Variants in IFT140 observed in about 807,000 individuals in gnomAD.
The protein encoded by IFT140 is intraflagellar transport protein 140 homolog.
A neutral mutation model predicts 164.6 loss-of-function variants in IFT140; 133 were observed. The ratio of observed to expected loss-of-function variants is 0.81; its 90% CI spans 0.70 to 0.93. The LOEUF (loss-of-function observed/expected upper bound fraction) is 0.93, where lower values mean the gene tolerates loss of function less well. Among genes scored for constraint, IFT140 ranks in the 40% least tolerant of loss-of-function variants. The pLI is 0.00. For missense variants in IFT140, 2,045 were observed against 1,972.3 expected, an observed-to-expected ratio of 1.04 and a Z score of -0.70; for synonymous variants, 860 against 817.3, an observed-to-expected ratio of 1.05 and a Z score of -0.89.
chr16:1,557,896 C>T (rs777416653), intron 19 of IFT140, 39 bp downstream of exon 19: 8 of 1,587,640 alleles, frequency 5.0e-6, no homozygotes, highest in Admixed American at 3.3e-5. Context: ...GCCGTGAGCA[C>T]GCGCTATCTC....
intron 19 of IFT140, chr16:1,555,257 C>A: frequency 1.8e-6 from 1 of 552,148 alleles, no homozygotes; most frequent in Non-Finnish European, 3.2e-6. Context: ...CTGGTTAGCG[C>A]AACGCGGCTC....
chr16:1,516,201 T>C (rs2040339795), intron 30 of IFT140, among the ~76,000 whole-genome samples: 1 of 123,666 alleles, frequency 8.1e-6, no homozygotes, highest in African/African-American at 2.8e-5. Context: ...ATGGTAAATA[T>C]GTAGGTAAAT....
intron 19 of IFT140, chr16:1,555,097 C>A: frequency 6.5e-7 from 1 of 1,529,394 alleles, no homozygotes; most frequent in Admixed American, 1.9e-5. Context: ...AGGGACTCCA[C>A]CACCAAGTCA....
chr16:1,541,802 A>G, intron 19 of IFT140: 2 of 1,271,320 alleles, frequency 1.6e-6, no homozygotes, highest in Non-Finnish European at 2.1e-6. Flanking sequence ...CAATGGAGGC[A>G]CAGCCTGTGC....
Position 1,607,219 on chromosome 16 carries a change from C to T in IFT140, c.48G>A (p.Gly16=). 1 of 1,614,146 alleles carries T rather than the reference C, an allele frequency of 6.2e-7. No individual in the cohort carries two copies. Among genetic ancestry groups the T allele is most frequent in the Non-Finnish European group, 8.5e-7 (1 of 1,180,026 alleles). Reference sequence around the variant, plus strand: ...GGTGCCAGCTGATAAATGAGGGTGACCCTGCTGCATCCGGGGCTTCTATCT... The same window carrying T: ...GGTGCCAGCTGATAAATGAGGGTGATCCTGCTGCATCCGGGGCTTCTATCT... The part of the protein sequence containing the change: ...DHQIEAPDAA[G]SPSFISWHPV... Residue 16 remains glycine (G), a synonymous_variant, in exon 3 of 31, where the codon GGG becomes GGA. Coordinates refer to ENST00000426508, the MANE Select transcript of IFT140 (RefSeq NM_014714.4).
At chr16:1,557,684 C>A in intron 19 of IFT140, 1 of 515,158 alleles carries the variant, frequency 1.9e-6, no homozygotes, top group Non-Finnish European at 3.5e-6. Flanking sequence ...TGTTTAGGAA[C>A]GGCAGAACTT....
intron 16 of IFT140, 95 bp downstream of exon 16, chr16:1,566,066 T>C (rs937996760): frequency 3.4e-5 from 42 of 1,253,490 alleles, no homozygotes; most frequent in African/African-American, 4.5e-5. Context: ...TGGGGCCTTT[T>C]GAAGGCGCGT....
chr16:1,540,946 G>A lies in IFT140; in HGVS notation c.2400-14150C>T, dbSNP rs1031058876. 43 of 985,326 alleles carry A rather than the reference G, an allele frequency of 4.4e-5. No individual in the cohort carries two copies. The African/African-American group carries it at 7.3e-4, about 17-fold the overall frequency. The allele number at this position is 985,326 out of a possible 1,614,324, so 61.0% of individuals were successfully genotyped here. A position where few individuals can be genotyped will look rare whatever the true frequency, so the allele number is the denominator to read the frequency against. On this transcript the variant is annotated intron_variant, in intron 19 of 30. Transcript: ENST00000426508. ...ACACACATTGTCTGCTCTGCAGCGT[G>A]CAGGGGCCTGGGAACACACTGCTTC... is the stretch of plus-strand genomic sequence containing the variant.
At position 1,520,786 on chromosome 16, in the gene IFT140, C is replaced by A. The variant is rs1448844513; in HGVS notation, c.3476G>T (p.Cys1159Phe). 2 of 1,605,338 alleles carry A rather than the reference C, an allele frequency of 1.2e-6. No individual in the cohort carries two copies. Residue 1159 changes from cysteine (C) to phenylalanine (F), a missense_variant, in exon 27 of 31, where the codon TGC becomes TTC. Cys to Phe is a radical substitution (Grantham distance 205). Transcript: ENST00000426508. ...ARKYQEALQL[C>F]LGQNMSITEE... ...GGTGATGCTCATGTTCTGCCCCAGG[C>A]ACAGCTGCAGGGCTTCCTGATACTG...
At chr16:1,602,177 C>T (rs2035827032) in intron 4 of IFT140, 193 bp downstream of exon 4, 2 of 600,572 alleles carry the variant, frequency 3.3e-6, no homozygotes, top group Non-Finnish European at 5.9e-6. Flanking sequence ...TATAAAGGTG[C>T]AGACACACCT....
intron 17 of IFT140, among the ~76,000 whole-genome samples, chr16:1,563,026 G>GA (rs1200260628): frequency 2.0e-5 from 3 of 152,078 alleles, no homozygotes; most frequent in Non-Finnish European, 4.4e-5. Flanking sequence ...CATCATCACA[G>GA]AGCAGACAAA....
In IFT140 at chr16:1,554,918, C is replaced by T. The variant is rs757833867; in HGVS notation, c.2399+3017G>A. 2.5e-6 allele frequency: 4 copies of T among 1,614,118 alleles called. No homozygotes were observed. In the Admixed American group the frequency reaches 5.0e-5, roughly 20 times the overall value. On this transcript the variant is annotated intron_variant, in intron 19 of 30. Coordinates refer to ENST00000426508, the MANE Select transcript of IFT140 (RefSeq NM_014714.4). ...CAGCCATGCTCATCTGGAACATTCT[C>T]CACAAGAGGGAGGACTGCATGGCCC...
intron 30 of IFT140, among the ~76,000 whole-genome samples, chr16:1,515,572 A>AT (rs1461294459): frequency 2.0e-5 from 3 of 151,662 alleles, no homozygotes; most frequent in African/African-American, 7.3e-5. Context: ...ATGCCTTGCT[A>AT]TTTTTTTCAG....
At chr16:1,546,028 G>A (rs1284006686) in intron 19 of IFT140, among the ~76,000 whole-genome samples, 1 of 152,240 alleles carries the variant, frequency 6.6e-6, no homozygotes, top group Non-Finnish European at 1.5e-5. Flanking sequence ...CAGACCCCTA[G>A]CTTCTCCCCT....
Position 1,553,180 on chromosome 16 carries a change from C to T in IFT140, c.2399+4755G>A, listed in dbSNP as rs990081114. On this transcript the variant is annotated intron_variant, in intron 19 of 30. Coordinates refer to ENST00000426508, the MANE Select transcript of IFT140 (RefSeq NM_014714.4). The surrounding 1 kb of genome is among the most constrained non-coding windows in gnomAD (Gnocchi z 4.4). ...AGGCTGGTTACCCATCTCTTGCTCT[C>T]TGTCTCTCCTTCCCTGTGTCTCTGT... 2.0e-6 allele frequency: 2 copies of T among 985,224 alleles called. No homozygotes were observed. Among genetic ancestry groups the T allele is most frequent in the African/African-American group, 3.5e-5 (2 of 57,342 alleles). 61.0% of individuals were successfully genotyped at this position (985,224 alleles called of 1,614,324 possible). A position where few individuals can be genotyped will look rare whatever the true frequency, so the allele number is the denominator to read the frequency against.
chr16:1,525,293 C>A lies in IFT140; in HGVS notation c.2802G>T (p.Val934=). Reference sequence around the variant, plus strand: ...GCAGGTCCTCCGACAGCATCCTGGGCACCTCGAAGCGGTGCGTGTCCGACT... The same window carrying A: ...GCAGGTCCTCCGACAGCATCCTGGGAACCTCGAAGCGGTGCGTGTCCGACT... The part of the protein sequence containing the change: ...YEKSDTHRFE[V]PRMLSEDLPS... The change falls in exon 22 of 31, where the codon GTG becomes GTT. Residue 934 remains valine (V), a synonymous_variant. Transcript: ENST00000426508. The A allele has an allele frequency of 1.1e-5, 18 of 1,612,796 alleles. No individual in the cohort carries two copies. Among genetic ancestry groups the A allele is most frequent in the Non-Finnish European group, 1.4e-5 (17 of 1,179,950 alleles).
At chr16:1,559,908 G>A (rs1415932083) in intron 18 of IFT140, among the ~76,000 whole-genome samples, 2 of 152,234 alleles carry the variant, frequency 1.3e-5, no homozygotes, top group East Asian at 1.9e-4. Flanking sequence ...CGTCATACAC[G>A]CCTGCTCTCT....
At chr16:1,563,131 G>A (rs2033509578) in intron 17 of IFT140, among the ~76,000 whole-genome samples, 2 of 151,944 alleles carry the variant, frequency 1.3e-5, no homozygotes, top group South Asian at 2.1e-4. Context: ...CCAACTGCCT[G>A]GGTCACCCCC....
intron 30 of IFT140, among the ~76,000 whole-genome samples, chr16:1,517,650 A>T (rs2072990): frequency 1.3e-5 from 2 of 152,050 alleles, no homozygotes; most frequent in African/African-American, 4.8e-5. Context: ...CTAAAATTAA[A>T]AAATAAGCGA....
Sources: gnomAD v4.1 joint callset for allele counts (sites outside exome capture counted in the v4.1 genomes callset) on GRCh38, gnomAD v4.1.1 for gene constraint, Gnocchi (gnomAD v3.1) non-coding constraint, MANE v1.5 for transcripts, NCBI Gene and HGNC (gene_info 2026-07-23, HGNC 2026-07-21) for gene names.